The following TBC1D31 variants were observed in gnomAD, a reference collection of about 807,000 sequenced individuals.
TBC1D31 encodes the protein WD repeat domain 67.
Under a neutral mutation model 132.9 loss-of-function variants are expected in TBC1D31, and 99 were observed. The observed-to-expected ratio is 0.74, with a 90% CI of 0.63 to 0.88. The LOEUF is 0.88. TBC1D31 is among the 40% of genes least tolerant of loss of function. The pLI, the probability that TBC1D31 is intolerant of heterozygous loss-of-function variation, is 0.00. For missense variants in TBC1D31, 1,134 were observed against 1,256.6 expected, an observed-to-expected ratio of 0.90 and a Z score of 1.48; for synonymous variants, 385 against 419.4, an observed-to-expected ratio of 0.92 and a Z score of 1.00.
chr8:123,126,610 CTTCT>C lies in TBC1D31; in HGVS notation c.1808_1811del (p.Leu603ArgfsTer2), dbSNP rs891265678. 1 of 1,613,988 alleles carries C rather than the reference CTTCT, an allele frequency of 6.2e-7. No individual in the cohort carries two copies. Among genetic ancestry groups the C allele is most frequent in the Non-Finnish European group, 8.5e-7 (1 of 1,179,894 alleles). ...TATCTTTTCCAACCATCCTTCCTTC[CTTCT>C]GATGACTGTTGTAGCCTACAACATA... On this transcript the variant is annotated frameshift_variant, in exon 13 of 22. Coordinates refer to ENST00000287380, the MANE Select transcript of TBC1D31 (RefSeq NM_145647.4). LOFTEE classifies it high-confidence loss of function.
chr8:123,125,175 A>C (rs1335004893), intron 11 of TBC1D31, among the ~76,000 whole-genome samples: 1 of 152,158 alleles, frequency 6.6e-6, no homozygotes, highest in East Asian at 1.9e-4. Context: ...CAAAGGATGA[A>C]TCTACAACTC....
intron 4 of TBC1D31, among the ~76,000 whole-genome samples, chr8:123,091,569 C>T (rs1343264968): frequency 6.6e-6 from 1 of 152,194 alleles, no homozygotes; most frequent in African/African-American, 2.4e-5. Context: ...GGAGCTTGAT[C>T]AGGCCCTTGC....
chr8:123,157,719 G>GCGCA, the TBC1D31 span, among the ~76,000 whole-genome samples: 7 of 148,032 alleles, frequency 4.7e-5, no homozygotes, highest in East Asian at 2.0e-4. Flanking sequence ...GCGCGCGCGC[G>GCGCA]CACACACACA....
rs770657058 is a variant in TBC1D31, at chr8:123,105,312, A to G, written c.1057A>G (p.Ile353Val). The G allele has an allele frequency of 6.3e-7, 1 of 1,578,754 alleles. No individual in the cohort carries two copies. Among genetic ancestry groups the G allele is most frequent in the South Asian group, 1.2e-5 (1 of 84,898 alleles). ...NKPPPPLVKVIEDLPKNKLSS... is the reference protein window; with the variant it reads ...NKPPPPLVKVVEDLPKNKLSS... ...GCCACCTCCGCCTTTAGTGAAAGTT[A>G]TTGAAGATTTGCCCAAGAATAAACT... Residue 353 changes from isoleucine (I) to valine (V), a missense_variant, in exon 8 of 22, where the codon ATT (isoleucine) becomes GTT (valine). Coordinates refer to ENST00000287380, the MANE Select transcript of TBC1D31 (RefSeq NM_145647.4).
chr8:123,125,994 CAA>C (rs1257187775), intron 11 of TBC1D31, 60 bp from the exon 12 acceptor site: 6 of 1,340,380 alleles, frequency 4.5e-6, no homozygotes, highest in Non-Finnish European at 6.0e-6. Flanking sequence ...TTAAGAATTG[CAA>C]AGAGTTTTGA....
the TBC1D31 span, among the ~76,000 whole-genome samples, chr8:123,157,794 C>T: frequency 6.6e-6 from 1 of 152,152 alleles, no homozygotes; most frequent in Non-Finnish European, 1.5e-5. Flanking sequence ...TCCCCGGACT[C>T]CTCCCGGCGC....
the TBC1D31 span, among the ~76,000 whole-genome samples, chr8:123,158,325 T>C: frequency 2.0e-5 from 3 of 152,066 alleles, no homozygotes; most frequent in African/African-American, 7.2e-5. Flanking sequence ...AGTGGCACAT[T>C]GAGGATTTGT....
chr8:123,149,718 C>T (rs887171222), intron 20 of TBC1D31, among the ~76,000 whole-genome samples: 1 of 152,210 alleles, frequency 6.6e-6, no homozygotes, highest in Admixed American at 6.5e-5. Flanking sequence ...TAGTGATCAG[C>T]TCATAATAGT....
downstream of TBC1D31, among the ~76,000 whole-genome samples, chr8:123,156,975 CCAAGGGCAAGGG>C (rs112129153): frequency 0.027 from 4,176 of 152,260 alleles, 216 homozygotes; most frequent in African/African-American, 0.095. Flanking sequence ...CGGCCAGTGC[CCAAGGGCAAGGG>C]CAAGGGCAAG....
downstream of TBC1D31, among the ~76,000 whole-genome samples, chr8:123,152,923 A>G (rs185141528): frequency 1.0e-3 from 156 of 152,326 alleles, 1 homozygote; most frequent in Admixed American, 2.7e-3. Flanking sequence ...TGCTTGACAC[A>G]TAGTAAGTAT....
At chr8:123,157,230 T>G in the TBC1D31 span, among the ~76,000 whole-genome samples, 3 of 152,312 alleles carry the variant, frequency 2.0e-5, no homozygotes, top group South Asian at 2.1e-4. Flanking sequence ...AAAATTATTG[T>G]GCCCCGTGTG....
Position 123,130,344 on chromosome 8 carries a change from C to G in TBC1D31, c.2406+11C>G. 1.2e-6 allele frequency: 2 copies of G among 1,604,778 alleles called. No individual in the cohort carries two copies. The highest frequency in any genetic ancestry group is 1.7e-6 in the Non-Finnish European group (2 of 1,175,400). On this transcript the variant is annotated intron_variant, in intron 16 of 21. Coordinates refer to ENST00000287380, the MANE Select transcript of TBC1D31 (RefSeq NM_145647.4). ...GAAATTGGGAGAAAGGTTTATTATT[C>G]TTAACTTAGTTCTCATACATCATCT...
At chr8:123,126,742 T>C (rs1301926942) in intron 13 of TBC1D31, 55 bp downstream of exon 13, 2 of 1,090,252 alleles carry the variant, frequency 1.8e-6, no homozygotes, top group East Asian at 2.9e-5. Flanking sequence ...TTTCTCTCTA[T>C]TTTTTTTTTA....
At position 123,109,492 on chromosome 8, in the gene TBC1D31, T is replaced by A; in HGVS notation, c.1308T>A (p.Ser436=). ...PTKYRMFIWR[S]LLQLPENHTA... ...ATTTCAGAATGTTCATTTGGCGCTC[T>A]CTGCTACAACTGCCTGAAAATCATA... The change falls in exon 10 of 22, where the codon TCT becomes TCA. Residue 436 remains serine (S), a synonymous_variant. Transcript: ENST00000287380. The A allele has an allele frequency of 6.2e-7, 1 of 1,613,280 alleles. No homozygotes were observed. Among genetic ancestry groups the A allele is most frequent in the Non-Finnish European group, 8.5e-7 (1 of 1,179,766 alleles).
chr8:123,118,300 A>C (rs368892539), intron 10 of TBC1D31, among the ~76,000 whole-genome samples: 19 of 152,348 alleles, frequency 1.2e-4, no homozygotes, highest in African/African-American at 4.1e-4. Context: ...TGATCATTGT[A>C]CTATTTGCAA....
At chr8:123,119,966 C>A in intron 10 of TBC1D31, 89 bp from the exon 11 acceptor site, 1 of 1,179,190 alleles carries the variant, frequency 8.5e-7, no homozygotes, top group Non-Finnish European at 1.2e-6. Context: ...GAAGAATTTT[C>A]ACCAAATATA....
intron 6 of TBC1D31, 24 bp downstream of exon 6, chr8:123,097,465 C>T: frequency 6.2e-7 from 1 of 1,605,730 alleles, no homozygotes; most frequent in African/African-American, 1.3e-5. Flanking sequence ...ATGTAGGGCA[C>T]TGTACTTTTT....
chr8:123,077,378 C>A (rs1352688165), intron 2 of TBC1D31, 121 bp downstream of exon 2: 4 of 1,014,572 alleles, frequency 3.9e-6, no homozygotes, highest in East Asian at 2.8e-5. Context: ...ATTTCAGGTA[C>A]CTTGCAAAAT....
chr8:123,138,285 T>C (rs1016275753), intron 17 of TBC1D31, among the ~76,000 whole-genome samples: 3 of 152,244 alleles, frequency 2.0e-5, no homozygotes, highest in Non-Finnish European at 4.4e-5. Flanking sequence ...TTAAGCTTTC[T>C]TCTGTTGTTA....
Sources: allele counts gnomAD v4.1 joint callset (sites outside exome capture counted in the v4.1 genomes callset), GRCh38; gene constraint gnomAD v4.1.1; transcripts MANE v1.5; gene names NCBI Gene and HGNC (gene_info 2026-07-23, HGNC 2026-07-21).